CADM2: variants seen among roughly 807,000 people sequenced by gnomAD.
The protein encoded by CADM2 is cell adhesion molecule 2.
Under a neutral mutation model 49.8 loss-of-function variants are expected in CADM2, and 12 were observed. The observed-to-expected ratio is 0.24, with a 90% CI of 0.15 to 0.39. CADM2 has a LOEUF of 0.39. CADM2 is among the 10% of genes least tolerant of loss of function. The pLI, the probability that CADM2 is intolerant of heterozygous loss-of-function variation, is 1.00. For missense variants in CADM2, 378 were observed against 492.3 expected (o/e 0.77, Z 2.20); for synonymous variants, 214 against 175.4 (o/e 1.22, Z -1.74).
At chr3:85,627,837 A>G (rs2064172173) in intron 1 of CADM2, among the ~76,000 whole-genome samples, 1 of 152,062 alleles carries the variant, frequency 6.6e-6, no homozygotes, top group Admixed American at 6.6e-5. Context: ...TTGAAGATAC[A>G]AGGTAGAGAA....
chr3:86,012,416 G>T, intron 8 of CADM2: 1 of 401,086 alleles, frequency 2.5e-6, no homozygotes, highest in Non-Finnish European at 4.4e-6. Flanking sequence ...CAATAAAGTT[G>T]GGCTTCTCGC....
At chr3:85,532,300 T>C (rs1012300170) in intron 1 of CADM2, among the ~76,000 whole-genome samples, 6 of 152,244 alleles carry the variant, frequency 3.9e-5, no homozygotes, top group African/African-American at 1.4e-4. Context: ...GTACTTGTTA[T>C]TGTTGACTTG....
At chr3:85,646,069 A>G (rs1220817343) in intron 1 of CADM2, among the ~76,000 whole-genome samples, 1 of 152,020 alleles carries the variant, frequency 6.6e-6, no homozygotes, top group Non-Finnish European at 1.5e-5. Flanking sequence ...CCTGGATTCT[A>G]GTGGATCATT....
intron 3 of CADM2, among the ~76,000 whole-genome samples, chr3:85,842,879 G>T (rs769329227): frequency 2.6e-5 from 4 of 151,832 alleles, no homozygotes; most frequent in Non-Finnish European, 4.4e-5. Context: ...ATACACAAAA[G>T]TTATTTAGCA....
intron 8 of CADM2, among the ~76,000 whole-genome samples, chr3:86,061,494 G>A (rs927076391): frequency 6.6e-6 from 1 of 152,098 alleles, no homozygotes; most frequent in Non-Finnish European, 1.5e-5. Context: ...TAACACTTTA[G>A]CCTCAAATCA....
chr3:84,987,039 C>T (rs1355098343), intron 1 of CADM2, among the ~76,000 whole-genome samples: 5 of 151,610 alleles, frequency 3.3e-5, no homozygotes, highest in African/African-American at 7.3e-5. Context: ...GCAACAAGAG[C>T]GAAACTCCGT....
intron 3 of CADM2, among the ~76,000 whole-genome samples, chr3:85,869,811 A>T (rs913506562): frequency 6.6e-6 from 1 of 152,028 alleles, no homozygotes; most frequent in African/African-American, 2.4e-5. Context: ...GGTGCCCGCC[A>T]CCACGGGGCC....
intron 1 of CADM2, among the ~76,000 whole-genome samples, chr3:85,197,836 G>A (rs1018028295): frequency 4.0e-5 from 6 of 151,846 alleles, no homozygotes; most frequent in South Asian, 2.1e-4. Context: ...AATTAAAAGC[G>A]TAACTTGTCC....
intron 8 of CADM2, among the ~76,000 whole-genome samples, chr3:85,985,411 TTCAGGAGGACATTTGTGTCC>T (rs1230085519): frequency 6.6e-6 from 1 of 152,100 alleles, no homozygotes; most frequent in East Asian, 1.9e-4. Context: ...CCTCTGAATT[TTCAGGAGGACATTTGTGTCC>T]TCAGGAGGAC....
intron 1 of CADM2, among the ~76,000 whole-genome samples, chr3:85,594,144 G>A (rs2107356736): frequency 6.6e-6 from 1 of 151,706 alleles, no homozygotes; most frequent in East Asian, 1.9e-4. Flanking sequence ...TATAATCTTT[G>A]AAATATTTAT....
chr3:85,336,824 A>C (rs2045090948), intron 1 of CADM2, among the ~76,000 whole-genome samples: 2 of 148,224 alleles, frequency 1.3e-5, no homozygotes, highest in South Asian at 4.2e-4. Flanking sequence ...CTTAAAGCTG[A>C]TAAAAATATC....
intron 1 of CADM2, among the ~76,000 whole-genome samples, chr3:85,136,083 A>C (rs1238565721): frequency 6.6e-6 from 1 of 152,032 alleles, no homozygotes; most frequent in Non-Finnish European, 1.5e-5. Flanking sequence ...GACTTCTAGA[A>C]GTAGGCAGAA....
intron 1 of CADM2, among the ~76,000 whole-genome samples, chr3:85,016,646 A>T (rs2034259530): frequency 6.6e-6 from 1 of 152,094 alleles, no homozygotes; most frequent in South Asian, 2.1e-4. Context: ...TGCAAAAATT[A>T]GCCGGGCATG....
At chr3:85,834,179 A>C (rs1559690333) in intron 3 of CADM2, among the ~76,000 whole-genome samples, 2 of 151,702 alleles carry the variant, frequency 1.3e-5, no homozygotes, top group Middle Eastern at 3.4e-3. Flanking sequence ...CTATTAACTC[A>C]CTTTTTAAAA....
At chr3:85,487,071 C>T (rs1414514924) in intron 1 of CADM2, among the ~76,000 whole-genome samples, 1 of 152,122 alleles carries the variant, frequency 6.6e-6, no homozygotes, top group Non-Finnish European at 1.5e-5. Flanking sequence ...ACATCTTTCT[C>T]CTCAATTCTT....
At position 85,857,965 on chromosome 3, in the gene CADM2, A is replaced by G. The variant is rs191409129; in HGVS notation, c.239-25326A>G. ...GGGTGACTGCAGGTAATGAGTTACC[A>G]GGGGAATATAATAATAAGCTGACTA... is the stretch of plus-strand genomic sequence containing the variant. On this transcript the variant is annotated intron_variant, in intron 3 of 9. Transcript: ENST00000383699. 3.0e-3 allele frequency among the ~76,000 whole-genome samples: 453 copies of G among 152,312 alleles called. 2 individuals carry two copies. The highest frequency in any genetic ancestry group is 4.8e-3 in the Non-Finnish European group (324 of 68,018).
chr3:85,624,150 C>T (rs926248453), intron 1 of CADM2, among the ~76,000 whole-genome samples: 5 of 152,040 alleles, frequency 3.3e-5, no homozygotes, highest in Non-Finnish European at 7.4e-5. Flanking sequence ...CATTTTGTAA[C>T]AGATATTCAT....
intron 1 of CADM2, among the ~76,000 whole-genome samples, chr3:85,483,101 T>G (rs1035228565): frequency 6.6e-6 from 1 of 151,546 alleles, no homozygotes; most frequent in African/African-American, 2.4e-5. Flanking sequence ...AGTATGGGTT[T>G]TTTGAGTCAT....
intron 1 of CADM2, among the ~76,000 whole-genome samples, chr3:85,369,540 G>A (rs1485512332): frequency 2.6e-5 from 4 of 152,090 alleles, no homozygotes; most frequent in Non-Finnish European, 4.4e-5. Flanking sequence ...AGGCTGAGGC[G>A]GGTGGAATCA....
Sources: allele counts gnomAD v4.1 joint callset (sites outside exome capture counted in the v4.1 genomes callset), GRCh38; gene constraint gnomAD v4.1.1; transcripts MANE v1.5; gene names NCBI Gene and HGNC (gene_info 2026-07-23, HGNC 2026-07-21).